The following HTR1F variants were observed in gnomAD, a reference collection of about 807,000 sequenced individuals.
The protein encoded by HTR1F is 5-hydroxytryptamine receptor 1F, also known as 5-hydroxytryptamine (serotonin) receptor 1F, G protein-coupled.
In HTR1F, 17 loss-of-function variants were observed where a neutral mutation model predicts 24.0. The ratio of observed to expected loss-of-function variants is 0.71; its 90% CI spans 0.48 to 1.06. HTR1F has a LOEUF of 1.06. Ranked by LOEUF, HTR1F falls within the 50% of genes least tolerant of loss-of-function variation. HTR1F has a pLI of 0.00. For missense variants in HTR1F, 391 were observed against 427.8 expected (o/e 0.91, Z 0.76); for synonymous variants, 186 against 156.8 (o/e 1.19, Z -1.39).
intron 2 of HTR1F, among the ~76,000 whole-genome samples, chr3:87,823,410 C>A (rs1158379752): frequency 6.6e-6 from 1 of 152,154 alleles, no homozygotes; most frequent in Non-Finnish European, 1.5e-5. Context: ...CGTAGTTCAT[C>A]TTCCTTTTCA....
chr3:87,979,360 G>A (rs1405192546), intron 2 of HTR1F, among the ~76,000 whole-genome samples: 2 of 152,062 alleles, frequency 1.3e-5, no homozygotes, highest in East Asian at 3.9e-4. Flanking sequence ...AGGGTGATGG[G>A]GGATTGACAG....
At chr3:87,873,525 A>G (rs566374603) in intron 2 of HTR1F, among the ~76,000 whole-genome samples, 238 of 152,284 alleles carry the variant, frequency 1.6e-3, no homozygotes, top group Non-Finnish European at 1.4e-3. Flanking sequence ...AATCATCTCT[A>G]CTCAGGCTGC....
chr3:87,976,936 G>T (rs4858968), intron 2 of HTR1F, among the ~76,000 whole-genome samples: 115,178 of 152,088 alleles, frequency 0.76, 47,350 homozygotes, highest in Non-Finnish European at 0.91. Flanking sequence ...GGAGAGGGAA[G>T]GGTAGTCAAG....
At chr3:87,923,144 C>T (rs1015287417) in intron 2 of HTR1F, among the ~76,000 whole-genome samples, 3 of 151,866 alleles carry the variant, frequency 2.0e-5, no homozygotes, top group Non-Finnish European at 4.4e-5. Flanking sequence ...TATGTTGGTG[C>T]TATGTTGTTT....
intron 2 of HTR1F, among the ~76,000 whole-genome samples, chr3:87,824,367 C>A (rs1048151404): frequency 6.6e-6 from 1 of 152,092 alleles, no homozygotes. Context: ...CTTTAAAATG[C>A]GACATGATTG....
chr3:87,968,580 A>G (rs1705217304), intron 2 of HTR1F, among the ~76,000 whole-genome samples: 1 of 152,198 alleles, frequency 6.6e-6, no homozygotes, highest in South Asian at 2.1e-4. Flanking sequence ...ATTCAGTTTT[A>G]TGTATTCACA....
intron 2 of HTR1F, among the ~76,000 whole-genome samples, chr3:87,963,514 GC>G (rs1368894509): frequency 6.6e-6 from 1 of 152,206 alleles, no homozygotes; most frequent in East Asian, 1.9e-4. Context: ...AAAACAATGA[GC>G]CATTTGCTGT....
At chr3:87,893,457 A>G (rs111550428) in intron 2 of HTR1F, among the ~76,000 whole-genome samples, 3,061 of 152,266 alleles carry the variant, frequency 0.02, 101 homozygotes, top group African/African-American at 0.07. Context: ...AGATTCCACA[A>G]TTTTGCAGAT....
intron 1 of HTR1F, among the ~76,000 whole-genome samples, chr3:87,814,237 C>G (rs577446097): frequency 2.6e-5 from 4 of 152,086 alleles, no homozygotes; most frequent in South Asian, 4.2e-4. Flanking sequence ...AACAAAATTA[C>G]CTAATCTGTC....
intron 2 of HTR1F, among the ~76,000 whole-genome samples, chr3:87,926,588 G>C (rs1236165515): frequency 6.6e-6 from 1 of 152,060 alleles, no homozygotes; most frequent in Non-Finnish European, 1.5e-5. Flanking sequence ...AAATGAAAAA[G>C]TATTATTAAA....
chr3:87,818,616 C>T (rs202018561), intron 1 of HTR1F, among the ~76,000 whole-genome samples: 1 of 152,302 alleles, frequency 6.6e-6, no homozygotes, highest in East Asian at 1.9e-4. Flanking sequence ...CCCCTCTCTT[C>T]TCAGACCCCT....
intron 1 of HTR1F, among the ~76,000 whole-genome samples, chr3:87,793,954 G>T (rs955383968): frequency 1.9e-4 from 26 of 135,758 alleles, no homozygotes; most frequent in African/African-American, 7.2e-4. Context: ...TTAAATTTTA[G>T]TGGATATGCT....
chr3:87,978,614 T>A lies in HTR1F; in HGVS notation c.-42-12094T>A, dbSNP rs1705451645. ...TGCAGGCAGGTCATCCTGACATTTG[T>A]GGAGCCCTCAGCAGAGAGGAGTCCA... On this transcript the variant is annotated intron_variant, in intron 2 of 2. Coordinates refer to ENST00000319595, the MANE Select transcript of HTR1F (RefSeq NM_001322209.2). Among the ~76,000 whole-genome samples the A allele has an allele frequency of 4.6e-5, 7 of 152,038 alleles. No homozygotes were observed. In the South Asian group the frequency reaches 1.5e-3, roughly 32 times the overall value.
intron 2 of HTR1F, among the ~76,000 whole-genome samples, chr3:87,869,084 C>T (rs1026771248): frequency 6.6e-6 from 1 of 151,782 alleles, no homozygotes; most frequent in African/African-American, 2.4e-5. Context: ...AAAGTAACTG[C>T]CCTCAATCCT....
chr3:87,814,322 T>C (rs908893056), intron 1 of HTR1F, among the ~76,000 whole-genome samples: 66 of 152,316 alleles, frequency 4.3e-4, no homozygotes, highest in African/African-American at 1.4e-3. Context: ...GAAATATGTA[T>C]ACATTATGGA....
At chr3:87,983,625 T>G (rs1397193573) in intron 2 of HTR1F, among the ~76,000 whole-genome samples, 2 of 152,318 alleles carry the variant, frequency 1.3e-5, no homozygotes, top group Non-Finnish European at 1.5e-5. Context: ...CCTGCTGTTT[T>G]ATGAAACTAG....
chr3:87,810,070 T>G (rs1220309392), intron 1 of HTR1F, among the ~76,000 whole-genome samples: 1 of 152,152 alleles, frequency 6.6e-6, no homozygotes, highest in Non-Finnish European at 1.5e-5. Flanking sequence ...ATTTTTTCTT[T>G]TGTCATTCCT....
At chr3:87,799,422 T>A (rs1389982752) in intron 1 of HTR1F, among the ~76,000 whole-genome samples, 4 of 152,200 alleles carry the variant, frequency 2.6e-5, no homozygotes, top group Non-Finnish European at 5.9e-5. Context: ...TTATCAATAT[T>A]GTTAATGGAA....
At chr3:87,896,140 C>G (rs929272064) in intron 2 of HTR1F, among the ~76,000 whole-genome samples, 4 of 152,184 alleles carry the variant, frequency 2.6e-5, no homozygotes, top group African/African-American at 9.7e-5. Flanking sequence ...GCTGCTGTCT[C>G]CCAGTGCTGC....
Sources: gnomAD v4.1 joint callset for allele counts (sites outside exome capture counted in the v4.1 genomes callset) on GRCh38, gnomAD v4.1.1 for gene constraint, MANE v1.5 for transcripts, NCBI Gene and HGNC (gene_info 2026-07-23, HGNC 2026-07-21) for gene names.